Variants in TRHDE observed in about 807,000 individuals in gnomAD.
The protein encoded by TRHDE is thyrotropin-releasing hormone-degrading ectoenzyme.
Under a neutral mutation model 125.7 loss-of-function variants are expected in TRHDE, and 72 were observed. That is an observed-to-expected ratio of 0.57 (90% CI 0.47 to 0.70). The LOEUF (loss-of-function observed/expected upper bound fraction) is 0.70. Ranked by LOEUF, TRHDE falls within the 30% of genes least tolerant of loss-of-function variation. The pLI, the probability that TRHDE is intolerant of heterozygous loss-of-function variation, is 0.00. For missense variants in TRHDE, 1,110 were observed against 1,327.1 expected, an observed-to-expected ratio of 0.84 and a Z score of 2.54; for synonymous variants, 509 against 509.1, an observed-to-expected ratio of 1.00 and a Z score of 0.00.
At chr12:72,578,676 T>A (rs1233676089) in intron 12 of TRHDE, among the ~76,000 whole-genome samples, 1 of 152,192 alleles carries the variant, frequency 6.6e-6, no homozygotes, top group Non-Finnish European at 1.5e-5. Flanking sequence ...GCTACAGGAT[T>A]GTGCCCGTGT....
intron 3 of TRHDE, among the ~76,000 whole-genome samples, chr12:72,419,056 G>A (rs1233119237): frequency 6.6e-6 from 1 of 152,126 alleles, no homozygotes; most frequent in Non-Finnish European, 1.5e-5. Context: ...AAATTATAAA[G>A]GGAAAGGGGT....
chr12:72,399,635 T>C (rs1592417618), intron 3 of TRHDE, among the ~76,000 whole-genome samples: 1 of 152,240 alleles, frequency 6.6e-6, no homozygotes, highest in East Asian at 1.9e-4. Context: ...CACAGAAAGT[T>C]TAAATTAAAC....
intron 2 of TRHDE, among the ~76,000 whole-genome samples, chr12:72,146,650 C>T (rs1015152776): frequency 2.6e-5 from 4 of 152,068 alleles, no homozygotes; most frequent in African/African-American, 9.7e-5. Flanking sequence ...TCGGCAAGTG[C>T]TCCTGCTCCA....
chr12:72,404,193 C>T (rs1873169391), intron 3 of TRHDE, among the ~76,000 whole-genome samples: 1 of 152,102 alleles, frequency 6.6e-6, no homozygotes, highest in Admixed American at 6.6e-5. Flanking sequence ...GCGGGTGGAT[C>T]ACCTGAGCTC....
intron 2 of TRHDE, among the ~76,000 whole-genome samples, chr12:72,249,199 A>T (rs2139385834): frequency 6.6e-6 from 1 of 152,312 alleles, no homozygotes; most frequent in South Asian, 2.1e-4. Flanking sequence ...GATAAATTGG[A>T]TCTTATTAAA....
intron 2 of TRHDE, among the ~76,000 whole-genome samples, chr12:72,319,199 G>A (rs1207431888): frequency 6.6e-6 from 1 of 152,170 alleles, no homozygotes; most frequent in African/African-American, 2.4e-5. Flanking sequence ...CAGGAGAAAG[G>A]TCAAGTGCTG....
chr12:72,291,752 A>G (rs927586113), intron 2 of TRHDE, among the ~76,000 whole-genome samples: 2 of 152,228 alleles, frequency 1.3e-5, no homozygotes, highest in Non-Finnish European at 2.9e-5. Flanking sequence ...ACAGGAAGAC[A>G]TGCATGGGTT....
chr12:72,499,724 T>C, intron 6 of TRHDE, 89 bp downstream of exon 6: 1 of 1,451,668 alleles, frequency 6.9e-7, no homozygotes, highest in African/African-American at 1.4e-5. Flanking sequence ...TTTTCTTTTT[T>C]TCCGGGCAGA....
chr12:72,549,762 T>C (rs920301800), intron 7 of TRHDE, among the ~76,000 whole-genome samples: 3 of 151,822 alleles, frequency 2.0e-5, no homozygotes, highest in Non-Finnish European at 2.9e-5. Flanking sequence ...AAAAATTCCA[T>C]CTTTAATACA....
intron 5 of TRHDE, among the ~76,000 whole-genome samples, chr12:72,478,068 G>T (rs1363497129): frequency 6.6e-6 from 1 of 152,010 alleles, no homozygotes. Context: ...CACATACCTG[G>T]GCATAAAGAT....
chr12:72,182,920 C>T (rs1054371475), intron 2 of TRHDE, among the ~76,000 whole-genome samples: 1 of 152,016 alleles, frequency 6.6e-6, no homozygotes, highest in African/African-American at 2.4e-5. Flanking sequence ...TGTCTTGGAA[C>T]CAGTGTTGTA....
At chr12:72,634,498 T>A (rs1483336453) in intron 15 of TRHDE, among the ~76,000 whole-genome samples, 1 of 151,978 alleles carries the variant, frequency 6.6e-6, no homozygotes, top group African/African-American at 2.4e-5. Context: ...TTTTTTTTAA[T>A]TGTTAATTTA....
chr12:72,111,251 C>T (rs1875308248), intron 2 of TRHDE, among the ~76,000 whole-genome samples: 1 of 152,066 alleles, frequency 6.6e-6, no homozygotes, highest in South Asian at 2.1e-4. Flanking sequence ...ATCTGATTTC[C>T]TTATCCTGAT....
chr12:72,126,353 C>A (rs992057341), intron 2 of TRHDE, among the ~76,000 whole-genome samples: 2 of 152,094 alleles, frequency 1.3e-5, no homozygotes, highest in Admixed American at 6.6e-5. Context: ...TTAAAAAAAA[C>A]CCTATTCTAA....
At chr12:72,198,393 G>T (rs566276763) in intron 2 of TRHDE, among the ~76,000 whole-genome samples, 148 of 152,106 alleles carry the variant, frequency 9.7e-4, no homozygotes, top group African/African-American at 3.4e-3. Flanking sequence ...TATGCTTTAT[G>T]AGGACAGGGA....
At chr12:72,602,711 T>C (rs1294869439) in intron 12 of TRHDE, among the ~76,000 whole-genome samples, 2 of 152,236 alleles carry the variant, frequency 1.3e-5, no homozygotes, top group African/African-American at 4.8e-5. Flanking sequence ...GAACTGTGAA[T>C]CACACAGCTC....
chr12:72,116,609 C>T (rs1027058032), intron 2 of TRHDE, among the ~76,000 whole-genome samples: 3 of 152,094 alleles, frequency 2.0e-5, no homozygotes, highest in African/African-American at 4.8e-5. Flanking sequence ...CTCTAATGAC[C>T]AGTGATGATG....
intron 12 of TRHDE, among the ~76,000 whole-genome samples, chr12:72,593,763 G>A (rs1005437115): frequency 2.0e-5 from 3 of 152,132 alleles, no homozygotes; most frequent in Admixed American, 2.0e-4. Context: ...AGAACACGCA[G>A]TGTTTGGTTT....
intron 12 of TRHDE, among the ~76,000 whole-genome samples, chr12:72,597,617 G>A (rs1481247191): frequency 2.1e-5 from 3 of 144,174 alleles, no homozygotes; most frequent in East Asian, 4.1e-4. Flanking sequence ...GGGCTGAGCC[G>A]AGATCACGCC....
Sources: allele counts gnomAD v4.1 joint callset (sites outside exome capture counted in the v4.1 genomes callset), GRCh38; gene constraint gnomAD v4.1.1; transcripts MANE v1.5; gene names NCBI Gene and HGNC (gene_info 2026-07-23, HGNC 2026-07-21).